PLEKHG7: variants seen among roughly 807,000 people sequenced by gnomAD.
PLEKHG7 encodes pleckstrin homology domain-containing family G member 7.
A neutral mutation model predicts 85.2 loss-of-function variants in PLEKHG7; 77 were observed. That is an observed-to-expected ratio of 0.90 (90% confidence interval 0.75 to 1.09). The LOEUF (loss-of-function observed/expected upper bound fraction) is 1.09, where lower values mean the gene tolerates loss of function less well. Among genes scored for constraint, PLEKHG7 ranks in the 50% least tolerant of loss-of-function variants. The pLI, the probability that PLEKHG7 is intolerant of heterozygous loss-of-function variation, is 0.00. For synonymous variants in PLEKHG7, 301 were observed against 302.4 expected, an observed-to-expected ratio of 1.00 and a Z score of 0.05; for missense variants, 777 against 804.3, an observed-to-expected ratio of 0.97 and a Z score of 0.41.
chr12:92,752,248 AC>A (rs1455108682), intron 10 of PLEKHG7, among the ~76,000 whole-genome samples: 1 of 152,018 alleles, frequency 6.6e-6, no homozygotes, highest in Admixed American at 6.6e-5. Context: ...TGTGTATTTG[AC>A]CCCTCTTCAC....
At chr12:92,749,249 G>A (rs909977852) in intron 10 of PLEKHG7, among the ~76,000 whole-genome samples, 22 of 152,102 alleles carry the variant, frequency 1.4e-4, no homozygotes, top group Admixed American at 5.9e-4. Context: ...AATGGGATTA[G>A]AATTCTTCCT....
chr12:92,725,181 G>A (rs2136586687), intron 3 of PLEKHG7, among the ~76,000 whole-genome samples: 1 of 152,182 alleles, frequency 6.6e-6, no homozygotes, highest in South Asian at 2.1e-4. Flanking sequence ...AGGCACCTAG[G>A]GGATAAAACA....
intron 16 of PLEKHG7, among the ~76,000 whole-genome samples, chr12:92,769,589 C>G (rs1221024489): frequency 6.6e-6 from 1 of 152,154 alleles, no homozygotes; most frequent in Non-Finnish European, 1.5e-5. Flanking sequence ...CTGCCTGACT[C>G]TGGTTTCTCT....
In PLEKHG7 at chr12:92,764,021, A is replaced by G; in HGVS notation, c.1717-20A>G. On this transcript the variant is annotated intron_variant, in intron 14 of 16. Transcript: ENST00000344636. ...ATATTTATTTCTTGTTTATTGCATTATTTTTCTTGTTAATTTCAGAAACTT... is the reference window on the plus strand; with the variant it reads ...ATATTTATTTCTTGTTTATTGCATTGTTTTTCTTGTTAATTTCAGAAACTT... 6.3e-7 allele frequency: 1 copy of G among 1,590,006 alleles called. No homozygotes were observed. The highest frequency in any genetic ancestry group is 8.6e-7 in the Non-Finnish European group (1 of 1,167,862).
chr12:92,712,241 G>A (rs1041311948), intron 3 of PLEKHG7, among the ~76,000 whole-genome samples: 2 of 152,178 alleles, frequency 1.3e-5, no homozygotes, highest in African/African-American at 2.4e-5. Context: ...AGGTCTCTCC[G>A]AATAAGATTA....
rs148155097 is a variant in PLEKHG7 at position 92,712,921 on chromosome 12, T to C, written c.530+5249T>C. Among the ~76,000 whole-genome samples the C allele has an allele frequency of 2.2e-4, 33 of 152,252 alleles. No individual in the cohort carries two copies. The East Asian group carries it at 6.2e-3, about 28-fold the overall frequency. ...CTTTAACTGGAGGACCACAATGATG[T>C]TTTGGGTTCCCTGGAATCAACCTCA... is the stretch of plus-strand genomic sequence containing the variant. On this transcript the variant is annotated intron_variant, in intron 3 of 16. Transcript: ENST00000344636.
chr12:92,739,516 C>T (rs763354147), intron 7 of PLEKHG7, among the ~76,000 whole-genome samples: 3 of 152,216 alleles, frequency 2.0e-5, no homozygotes, highest in Non-Finnish European at 4.4e-5. Flanking sequence ...ACAGAACTTT[C>T]TATCCCACTG....
intron 5 of PLEKHG7, among the ~76,000 whole-genome samples, chr12:92,735,391 C>T (rs770147225): frequency 1.2e-4 from 19 of 152,210 alleles, no homozygotes; most frequent in Admixed American, 2.6e-4. Flanking sequence ...AACTATGACA[C>T]GGTCTCCTTT....
intron 3 of PLEKHG7, 63 bp downstream of exon 3, chr12:92,707,735 T>C: frequency 6.2e-7 from 1 of 1,610,442 alleles, no homozygotes; most frequent in Non-Finnish European, 8.5e-7. Context: ...ATTAGATTTT[T>C]ATTTCTGTCC....
chr12:92,768,163 C>T (rs1222153659), intron 15 of PLEKHG7, among the ~76,000 whole-genome samples: 1 of 151,436 alleles, frequency 6.6e-6, no homozygotes, highest in Non-Finnish European at 1.5e-5. Context: ...GCCGAGATCC[C>T]GCCACTGCAC....
chr12:92,736,345 T>C (rs927162912), intron 5 of PLEKHG7, 137 bp from the exon 6 acceptor site: 7 of 478,048 alleles, frequency 1.5e-5, no homozygotes, highest in Non-Finnish European at 2.3e-5. Context: ...GCTTTGGAAC[T>C]GTTAGTGGCT....
chr12:92,718,311 C>T (rs919812985), intron 3 of PLEKHG7, among the ~76,000 whole-genome samples: 72 of 152,254 alleles, frequency 4.7e-4, no homozygotes, highest in African/African-American at 1.7e-3. Flanking sequence ...ACTCTTCCAG[C>T]AGCATCAGCT....
intron 13 of PLEKHG7, among the ~76,000 whole-genome samples, chr12:92,759,860 A>T (rs924713896): frequency 2.6e-5 from 4 of 152,198 alleles, no homozygotes; most frequent in Non-Finnish European, 2.9e-5. Flanking sequence ...ATCAGTTGGC[A>T]TATAGATTCA....
intron 14 of PLEKHG7, among the ~76,000 whole-genome samples, chr12:92,762,985 A>G (rs1279143352): frequency 6.6e-6 from 1 of 152,194 alleles, no homozygotes; most frequent in Non-Finnish European, 1.5e-5. Context: ...TCAGACTAGC[A>G]TGTCTGAACA....
rs1375237538 is a variant in PLEKHG7 at position 92,764,136 on chromosome 12, T to C, written c.1812T>C (p.Asp604=). Residue 604 remains aspartate, a synonymous_variant, in exon 15 of 17, where the codon GAT becomes GAC. Transcript: ENST00000344636. The stretch of plus-strand genomic sequence containing the variant: ...AGGGTGGTTCGTGTACAGTACTCGA[T>C]CAGCCTATTCCACTAGATAGATTGG... ...IKEGGSCTVL[D]QPIPLDRLVV... 1 of 1,611,938 alleles carries C rather than the reference T, an allele frequency of 6.2e-7. No individual in the cohort carries two copies. Among genetic ancestry groups the C allele is most frequent in the African/African-American group, 1.3e-5 (1 of 74,834 alleles).
At chr12:92,744,402 C>T (rs1316846460) in intron 9 of PLEKHG7, among the ~76,000 whole-genome samples, 4 of 152,084 alleles carry the variant, frequency 2.6e-5, no homozygotes, top group Non-Finnish European at 4.4e-5. Context: ...CCAAGAAAGA[C>T]GCTTAATTGA....
rs1373598183 is a variant in PLEKHG7 at position 92,712,646 on chromosome 12, T to A, written c.530+4974T>A. ...TCCCTCCAGGGATGCGATTTTTTTT[T>A]ATTTACTATTTTTCTAGCTAGAGGT... On this transcript the variant is annotated intron_variant, in intron 3 of 16. Transcript: ENST00000344636. Among the ~76,000 whole-genome samples, 3 of 152,092 alleles carry A rather than the reference T, an allele frequency of 2.0e-5. No homozygotes were observed. The East Asian group carries it at 5.8e-4, about 29-fold the overall frequency.
At chr12:92,752,786 G>A (rs2136619248) in intron 10 of PLEKHG7, among the ~76,000 whole-genome samples, 1 of 152,270 alleles carries the variant, frequency 6.6e-6, no homozygotes, top group African/African-American at 2.4e-5. Flanking sequence ...AGACTGGGTG[G>A]CTTATAATCA....
At chr12:92,719,663 C>G (rs551965041) in intron 3 of PLEKHG7, among the ~76,000 whole-genome samples, 8 of 152,124 alleles carry the variant, frequency 5.3e-5, no homozygotes, top group Non-Finnish European at 1.2e-4. Flanking sequence ...TATTCTCTAG[C>G]CTTTGTTATT....
Sources: allele counts gnomAD v4.1 joint callset (sites outside exome capture counted in the v4.1 genomes callset), GRCh38; gene constraint gnomAD v4.1.1; transcripts MANE v1.5; gene names NCBI Gene and HGNC (gene_info 2026-07-23, HGNC 2026-07-21).